The following DCAF4 variants were observed in gnomAD, a reference collection of about 807,000 sequenced individuals.
DCAF4 encodes the protein DDB1 and CUL4 associated factor 4.
DCAF4 carries 37 observed loss-of-function variants against 60.9 expected under a neutral mutation model. That is an observed-to-expected ratio of 0.61 (90% CI 0.47 to 0.80). DCAF4 has a LOEUF of 0.80. DCAF4 is among the 30% of genes least tolerant of loss of function. The probability of loss-of-function intolerance (pLI) is 0.00; values close to 1 mark genes in which losing one functional copy is unlikely to be tolerated. For synonymous variants in DCAF4, 243 were observed against 254.8 expected, an observed-to-expected ratio of 0.95 and a Z score of 0.44; for missense variants, 577 against 650.0, an observed-to-expected ratio of 0.89 and a Z score of 1.22.
intron 1 of DCAF4, chr14:72,929,959 G>A (rs1408047942): frequency 6.2e-6 from 5 of 805,170 alleles, no homozygotes; most frequent in Admixed American, 2.4e-5. Flanking sequence ...CGGCCGTGGC[G>A]GAAGGCCAAA....
intron 5 of DCAF4, 174 bp from the exon 6 acceptor site, chr14:72,942,820 G>T (rs1045488061): frequency 4.0e-5 from 24 of 606,888 alleles, no homozygotes; most frequent in South Asian, 2.8e-4. Context: ...GTTCTGTGGG[G>T]AAACTCAAAT....
intron 9 of DCAF4, among the ~76,000 whole-genome samples, chr14:72,952,369 C>T (rs761966935): frequency 2.1e-4 from 32 of 152,334 alleles, no homozygotes; most frequent in Admixed American, 9.8e-4. Flanking sequence ...AGCTCTGCCC[C>T]TTGCCAACTT....
Position 72,927,639 on chromosome 14 carries a change from CCGCGCCCGGCCTGAGGTGGTG to C in DCAF4, c.-9+1097_-9+1117del, listed in dbSNP as rs1599554042. Among the ~76,000 whole-genome samples the C allele has an allele frequency of 4.6e-5, 7 of 152,196 alleles. No individual in the cohort carries two copies. The East Asian group carries it at 1.4e-3, about 29-fold the overall frequency. On this transcript the variant is annotated intron_variant, in intron 1 of 13. Transcript: ENST00000358377. ...GTGCTGGGATTACAGGCGTGAGCCACCGCGCCCGGCCTGAGGTGGTGTTCTGTGGGTAACCAGGCCTGGGGG... is the reference window on the plus strand; with the variant it reads ...GTGCTGGGATTACAGGCGTGAGCCACTTCTGTGGGTAACCAGGCCTGGGGG...
chr14:72,940,076 A>G (rs1452484359), intron 3 of DCAF4, 144 bp from the exon 4 acceptor site: 7 of 1,251,872 alleles, frequency 5.6e-6, no homozygotes, highest in Non-Finnish European at 6.8e-6. Context: ...AGCACAGTCC[A>G]GGATGTTGCC....
intron 4 of DCAF4, 95 bp downstream of exon 4, chr14:72,940,472 A>G: frequency 7.4e-7 from 1 of 1,350,364 alleles, no homozygotes; most frequent in South Asian, 1.6e-5. Context: ...TGCCCCTGCG[A>G]CACTTAGCAG....
chr14:72,938,160 C>T, intron 2 of DCAF4, 90 bp downstream of exon 2: 8 of 1,464,578 alleles, frequency 5.5e-6, no homozygotes, highest in Non-Finnish European at 7.2e-6. Flanking sequence ...GTGTGGAGAT[C>T]ACCTGGGGGC....
At chr14:72,955,747 C>T (rs760790013) in intron 12 of DCAF4, 51 bp downstream of exon 12, 1 of 1,539,172 alleles carries the variant, frequency 6.5e-7, no homozygotes, top group Non-Finnish European at 8.9e-7. Flanking sequence ...GCCCAGTGCC[C>T]TGCCAGGTGA....
chr14:72,934,313 C>A (rs1178377555), intron 1 of DCAF4, among the ~76,000 whole-genome samples: 1 of 152,148 alleles, frequency 6.6e-6, no homozygotes, highest in Non-Finnish European at 1.5e-5. Flanking sequence ...ACTACCATGC[C>A]TGGCTAATTT....
In DCAF4 at chr14:72,953,814, GTGTGTGTGTGTGTGTA is replaced by G. The variant is rs1397809757; in HGVS notation, c.809-348_809-333del. Among the ~76,000 whole-genome samples the G allele has an allele frequency of 6.3e-5, 8 of 126,672 alleles. No individual in the cohort carries two copies. In the East Asian group the frequency reaches 1.5e-3, roughly 24 times the overall value. The allele number at this position is 126,672 out of a possible 152,430, so 83.1% of individuals were successfully genotyped here. On this transcript the variant is annotated intron_variant, in intron 9 of 13. Coordinates refer to ENST00000358377, the MANE Select transcript of DCAF4 (RefSeq NM_015604.4). Reference sequence around the variant, plus strand: ...TGTGTGTGTGTGTGTGTGTGTGTGTGTGTGTGTGTGTGTGTATATACACACACACTTGCCTGAGATC... The same window carrying G: ...TGTGTGTGTGTGTGTGTGTGTGTGTGTATACACACACACTTGCCTGAGATC...
chr14:72,934,870 C>T (rs1407844989), intron 1 of DCAF4, among the ~76,000 whole-genome samples: 1 of 152,130 alleles, frequency 6.6e-6, no homozygotes, highest in African/African-American at 2.4e-5. Context: ...TGGAAATAAC[C>T]CAGAGCAGAA....
chr14:72,953,991 T>C (rs1891931179), intron 9 of DCAF4, among the ~76,000 whole-genome samples, 173 bp from the exon 10 acceptor site: 1 of 151,792 alleles, frequency 6.6e-6, no homozygotes, highest in African/African-American at 2.4e-5. Context: ...GAATAACCAC[T>C]TGTGAGCCAG....
At chr14:72,945,771 C>T (rs1028039771) in intron 6 of DCAF4, 113 bp from the exon 7 acceptor site, 80 of 1,393,462 alleles carry the variant, frequency 5.7e-5, no homozygotes, top group Non-Finnish European at 7.2e-5. Flanking sequence ...GAGGAACTCT[C>T]ACCTAGTGAA....
chr14:72,946,910 G>A (rs1192179264), intron 7 of DCAF4, among the ~76,000 whole-genome samples: 1 of 152,192 alleles, frequency 6.6e-6, no homozygotes, highest in Admixed American at 6.5e-5. Context: ...GCCCTGCCCA[G>A]AGGGTATGCC....
intron 13 of DCAF4, 34 bp from the exon 14 acceptor site, chr14:72,958,578 C>G (rs992827211): frequency 1.4e-5 from 22 of 1,612,872 alleles, no homozygotes; most frequent in Middle Eastern, 1.7e-4. Context: ...TGCATTCTCT[C>G]ACTAGCCTGC....
intron 6 of DCAF4, among the ~76,000 whole-genome samples, chr14:72,943,913 C>T (rs2535914): frequency 0.27 from 40,798 of 151,992 alleles, 5,920 homozygotes; most frequent in Non-Finnish European, 0.31. Context: ...CCCAGGAGAC[C>T]GCCACAGCAG....
intron 4 of DCAF4, 98 bp from the exon 5 acceptor site, chr14:72,941,647 G>A (rs3742832): frequency 0.75 from 884,938 of 1,186,834 alleles, 333,218 homozygotes; most frequent in Non-Finnish European, 0.78. Context: ...TTTAGTGCCT[G>A]TTTCCTTCAT....
chr14:72,954,056 A>G (rs1201912959), intron 9 of DCAF4, 108 bp from the exon 10 acceptor site: 12 of 1,176,708 alleles, frequency 1.0e-5, no homozygotes, highest in African/African-American at 1.5e-5. Flanking sequence ...GGCCAAAGGT[A>G]TAGACCCTCT....
At chr14:72,953,709 TAAA>T (rs778771457) in intron 9 of DCAF4, among the ~76,000 whole-genome samples, 199 of 10,044 alleles carry the variant, frequency 0.02, 4 homozygotes, top group African/African-American at 0.051. Context: ...GACCCTGTCT[TAAA>T]AAAAAAAAAA....
intron 6 of DCAF4, among the ~76,000 whole-genome samples, chr14:72,943,726 G>A (rs1890349717): frequency 6.6e-6 from 1 of 152,152 alleles, no homozygotes. Context: ...CCTTTCGATG[G>A]ACCACGTAAG....
Sources: allele counts gnomAD v4.1 joint callset (sites outside exome capture counted in the v4.1 genomes callset), GRCh38; gene constraint gnomAD v4.1.1; transcripts MANE v1.5; gene names NCBI Gene and HGNC (gene_info 2026-07-23, HGNC 2026-07-21).